The following SAMD5 variants were observed in gnomAD, a reference collection of about 807,000 sequenced individuals.
SAMD5 encodes the protein sterile alpha motif domain-containing protein 5.
SAMD5 carries 13 observed loss-of-function variants against 11.3 expected under a neutral mutation model. That is an observed-to-expected ratio of 1.15 (90% CI 0.75 to 1.83). The LOEUF (loss-of-function observed/expected upper bound fraction) is 1.83, where lower values mean the gene tolerates loss of function less well. Ranked by LOEUF, SAMD5 falls within the 40% of genes most tolerant of loss-of-function variation. The pLI is 0.00. For synonymous variants in SAMD5, 129 were observed against 111.3 expected, an observed-to-expected ratio of 1.16 and a Z score of -1.00; for missense variants, 255 against 239.1, an observed-to-expected ratio of 1.07 and a Z score of -0.44.
the SAMD5 span, among the ~76,000 whole-genome samples, chr6:147,816,301 A>AAAATATATATATATATAT: frequency 3.3e-4 from 22 of 66,342 alleles, no homozygotes; most frequent in African/African-American, 1.2e-3. Flanking sequence ...AAAAAAAAAA[A>AAAATATATATATATATAT]ATATATATAT....
chr6:147,953,391 G>A, the SAMD5 span: 7 of 152,074 alleles, frequency 4.6e-5, no homozygotes, highest in African/African-American at 1.4e-4. Flanking sequence ...GAAGATAAAG[G>A]TTTGTGGGGA....
intron 1 of SAMD5, among the ~76,000 whole-genome samples, chr6:147,584,552 T>G (rs935144537): frequency 1.3e-5 from 2 of 152,138 alleles, no homozygotes; most frequent in Non-Finnish European, 2.9e-5. Context: ...TCACCACCAT[T>G]GCCTTGGCCA....
chr6:147,823,885 T>C, the SAMD5 span, among the ~76,000 whole-genome samples: 1 of 152,352 alleles, frequency 6.6e-6, no homozygotes, highest in Middle Eastern at 3.4e-3. Flanking sequence ...TTTACATACC[T>C]CATCTCATTT....
In SAMD5 at chr6:147,567,934, A is replaced by G. The variant is rs9485199; in HGVS notation, c.*3478A>G. ...AGATCCCGTCTCAAAACAAAACAAA[A>G]CAAAACAAAACAGCAAATTCATAAA... is the stretch of plus-strand genomic sequence containing the variant. On this transcript the variant is annotated 3_prime_UTR_variant, in exon 2 of 2. Coordinates refer to ENST00000367474, the MANE Select transcript of SAMD5 (RefSeq NM_001030060.3). 2,693 of 986,098 alleles carry G rather than the reference A, an allele frequency of 2.7e-3. 46 individuals are homozygous for G. In the African/African-American group the frequency reaches 0.042, roughly 15 times the overall value. The allele number at this position is 986,098 out of a possible 1,614,324, so 61.1% of individuals were successfully genotyped here. A position where few individuals can be genotyped will look rare whatever the true frequency, so the allele number is the denominator to read the frequency against.
chr6:147,739,087 C>T (rs1016015085), downstream of SAMD5, among the ~76,000 whole-genome samples: 2 of 152,116 alleles, frequency 1.3e-5, no homozygotes, highest in Admixed American at 6.5e-5. Context: ...CTCTGCCTGT[C>T]TAGGATGGTG....
chr6:147,801,144 G>A, the SAMD5 span, among the ~76,000 whole-genome samples: 1 of 152,070 alleles, frequency 6.6e-6, no homozygotes, highest in African/African-American at 2.4e-5. Context: ...GCTTGACATA[G>A]TACAAGGATT....
chr6:147,800,571 C>T, the SAMD5 span, among the ~76,000 whole-genome samples: 1 of 152,224 alleles, frequency 6.6e-6, no homozygotes, highest in Non-Finnish European at 1.5e-5. Flanking sequence ...GGCAGGCAGG[C>T]CTCCTTGAGC....
At chr6:147,662,129 G>C (rs536873817) in intron 1 of SAMD5, among the ~76,000 whole-genome samples, 1 of 151,978 alleles carries the variant, frequency 6.6e-6, no homozygotes, top group East Asian at 1.9e-4. Context: ...GACTAGCAGG[G>C]CTTCCCATGC....
chr6:147,913,138 G>A, the SAMD5 span, among the ~76,000 whole-genome samples: 1 of 151,922 alleles, frequency 6.6e-6, no homozygotes. Flanking sequence ...TTAGAAACCT[G>A]AAAATGAAAG....
chr6:147,742,902 G>T, the SAMD5 span, among the ~76,000 whole-genome samples: 1 of 152,110 alleles, frequency 6.6e-6, no homozygotes, highest in African/African-American at 2.4e-5. Flanking sequence ...GTACATAGAG[G>T]CTATCATTGT....
the SAMD5 span, among the ~76,000 whole-genome samples, chr6:147,828,077 C>T: frequency 5.9e-5 from 9 of 152,208 alleles, no homozygotes; most frequent in South Asian, 4.1e-4. Context: ...TGAGCCACCG[C>T]GCCAGGCCCA....
At chr6:147,650,723 C>T (rs1441377324) in intron 1 of SAMD5, among the ~76,000 whole-genome samples, 1 of 152,146 alleles carries the variant, frequency 6.6e-6, no homozygotes, top group Non-Finnish European at 1.5e-5. Context: ...ATGGTGGAAA[C>T]ATTCACAGAA....
the SAMD5 span, among the ~76,000 whole-genome samples, chr6:147,769,482 C>T: frequency 4.6e-5 from 7 of 152,294 alleles, no homozygotes; most frequent in South Asian, 2.1e-4. Flanking sequence ...AACTTCCTTA[C>T]TCAGTGATAA....
intron 1 of SAMD5, among the ~76,000 whole-genome samples, chr6:147,681,056 T>C (rs1488149140): frequency 6.6e-6 from 1 of 152,174 alleles, no homozygotes; most frequent in Non-Finnish European, 1.5e-5. Context: ...GGAACATCTG[T>C]ATAAAATTGG....
intron 1 of SAMD5, among the ~76,000 whole-genome samples, chr6:147,655,585 A>G (rs9399612): frequency 0.58 from 88,741 of 151,916 alleles, 27,344 homozygotes; most frequent in South Asian, 0.76. Flanking sequence ...CAGCTCTTGC[A>G]GTACATCATT....
chr6:147,801,954 T>C, the SAMD5 span, among the ~76,000 whole-genome samples: 1 of 152,180 alleles, frequency 6.6e-6, no homozygotes, highest in East Asian at 1.9e-4. Context: ...GCTATAACTA[T>C]AAAGCTTCTA....
At position 147,606,741 on chromosome 6, in the gene SAMD5, A is replaced by G. The variant is rs1484122207; in HGVS notation, c.162+97354A>G. 4.6e-5 allele frequency among the ~76,000 whole-genome samples: 7 copies of G among 151,854 alleles called. No individual in the cohort carries two copies. In the South Asian group the frequency reaches 1.4e-3, roughly 31 times the overall value. On this transcript the variant is annotated intron_variant, in intron 1 of 1. Transcript: ENST00000566741. Reference sequence around the variant, plus strand: ...TATAAAATATACATATATACTCTCAATTAATCCTCACAACATGTTTATAGT... The same window carrying G: ...TATAAAATATACATATATACTCTCAGTTAATCCTCACAACATGTTTATAGT...
chr6:147,895,922 TC>T, the SAMD5 span, among the ~76,000 whole-genome samples: 1 of 152,268 alleles, frequency 6.6e-6, no homozygotes, highest in Non-Finnish European at 1.5e-5. Context: ...AACATAGGAC[TC>T]CAAAGTCAGG....
intron 1 of SAMD5, among the ~76,000 whole-genome samples, chr6:147,646,004 GTCTGTCTATGTATCTATCTATGTATCTA>G (rs1269563555): frequency 4.1e-4 from 54 of 132,946 alleles, no homozygotes; most frequent in Admixed American, 2.8e-3. Flanking sequence ...ATATCTGTCT[GTCTGTCTATGTATCTATCTATGTATCTA>G]TCTATCTATC....
Sources: allele counts gnomAD v4.1 joint callset (sites outside exome capture counted in the v4.1 genomes callset), GRCh38; gene constraint gnomAD v4.1.1; transcripts MANE v1.5; gene names NCBI Gene and HGNC (gene_info 2026-07-23, HGNC 2026-07-21).